Variants in ATR observed in about 807,000 individuals in gnomAD.
ATR encodes the protein serine/threonine-protein kinase ATR.
A neutral mutation model predicts 305.3 loss-of-function variants in ATR; 142 were observed. The observed-to-expected ratio is 0.47, with a 90% CI of 0.41 to 0.53. ATR has a LOEUF of 0.53. Ranked by LOEUF, ATR falls within the 20% of genes least tolerant of loss-of-function variation. The pLI, the probability that ATR is intolerant of heterozygous loss-of-function variation, is 0.00. For missense variants in ATR, 2,135 were observed against 3,133.1 expected (o/e 0.68, Z 7.60); for synonymous variants, 1,050 against 1,068.1 (o/e 0.98, Z 0.33).
chr3:142,553,084 C>A, intron 13 of ATR, 143 bp downstream of exon 13: 1 of 1,087,918 alleles, frequency 9.2e-7, no homozygotes, highest in South Asian at 1.5e-5. Flanking sequence ...CCTCTACATG[C>A]TGCAATATAC....
At chr3:142,540,293 T>A (rs914895220) in intron 18 of ATR, among the ~76,000 whole-genome samples, 1 of 152,144 alleles carries the variant, frequency 6.6e-6, no homozygotes, top group South Asian at 2.1e-4. Flanking sequence ...AATACACATA[T>A]GTAAACTTCA....
intron 46 of ATR, chr3:142,451,240 C>T: frequency 8.4e-7 from 1 of 1,195,430 alleles, no homozygotes; most frequent in Non-Finnish European, 1.1e-6. Context: ...TGCAGGTGTG[C>T]AAGCTCCAGC....
At chr3:142,493,332 A>G (rs2031403552) in intron 34 of ATR, 21 bp from the exon 35 acceptor site, 11 of 1,593,976 alleles carry the variant, frequency 6.9e-6, no homozygotes, top group Non-Finnish European at 9.4e-6. Flanking sequence ...AAAGGCAACA[A>G]TAAGCCTTTT....
In ATR at chr3:142,562,218, GA is replaced by G. The variant is rs1559997971; in HGVS notation, c.1170+13del. ...AAAATACATACTTAACTAGTAACCTGAAAAATTACTTACCTCTGCATCTACC... is the reference window on the plus strand; with the variant it reads ...AAAATACATACTTAACTAGTAACCTGAAAATTACTTACCTCTGCATCTACC... On this transcript the variant is annotated intron_variant, in intron 4 of 46. Transcript: ENST00000350721. 2.5e-6 allele frequency: 4 copies of G among 1,613,596 alleles called. No individual in the cohort carries two copies. The South Asian group carries it at 4.4e-5, about 18-fold the overall frequency.
intron 8 of ATR, among the ~76,000 whole-genome samples, chr3:142,557,773 C>T (rs1390181478): frequency 6.6e-6 from 1 of 152,172 alleles, no homozygotes; most frequent in Non-Finnish European, 1.5e-5. Context: ...GCTGGGACTA[C>T]AGGCGTGAGC....
chr3:142,451,854 C>A, intron 46 of ATR: 1 of 1,316,128 alleles, frequency 7.6e-7, no homozygotes, highest in South Asian at 1.2e-5. Flanking sequence ...CTGTTTAGAA[C>A]AGAAATGGAG....
At chr3:142,553,595 A>C in intron 12 of ATR, 45 bp downstream of exon 12, 1 of 1,535,998 alleles carries the variant, frequency 6.5e-7, no homozygotes, top group Non-Finnish European at 9.0e-7. Flanking sequence ...AAAATGGAGA[A>C]TGGCCAAAAT....
rs1184581782 is a variant in ATR at position 142,562,292 on chromosome 3, G to C, written c.1110C>G (p.Val370=). The change falls in exon 4 of 47, where the codon GTC becomes GTG. Residue 370 remains valine (V), a synonymous_variant. Coordinates refer to ENST00000350721, the MANE Select transcript of ATR (RefSeq NM_001184.4). ...GAGCTTTACAAATATTTCTCACATAGACCTTCCTGACTTGTAAAGCAGATT... is the reference window on the plus strand; with the variant it reads ...GAGCTTTACAAATATTTCTCACATACACCTTCCTGACTTGTAAAGCAGATT... The part of the protein sequence containing the change: ...GYESALQVRK[V]YVRNICKALL... 3 of 1,613,902 alleles carry C rather than the reference G, an allele frequency of 1.9e-6. No homozygotes were observed. The highest frequency in any genetic ancestry group is 1.1e-5 in the South Asian group (1 of 91,060).
At chr3:142,505,550 G>A (rs1159560942) in intron 28 of ATR, among the ~76,000 whole-genome samples, 1 of 152,014 alleles carries the variant, frequency 6.6e-6, no homozygotes, top group African/African-American at 2.4e-5. Flanking sequence ...TTGATCATAA[G>A]GTTTATAAAG....
intron 5 of ATR, 117 bp downstream of exon 5, chr3:142,561,126 C>T (rs2034863344): frequency 8.5e-7 from 1 of 1,182,378 alleles, no homozygotes; most frequent in African/African-American, 1.5e-5. Flanking sequence ...CCCTTGGCTA[C>T]ATTTAGAAAG....
chr3:142,578,132 A>G (rs988042913), intron 1 of ATR, among the ~76,000 whole-genome samples: 5 of 152,198 alleles, frequency 3.3e-5, no homozygotes, highest in African/African-American at 1.2e-4. Context: ...AAAGAAAAAA[A>G]CTGCCTTTTC....
chr3:142,450,222 C>T (rs2070759070), intron 46 of ATR: 4 of 592,730 alleles, frequency 6.7e-6, no homozygotes, highest in Non-Finnish European at 1.2e-5. Context: ...ACTTATGTTC[C>T]AGCAGAACTC....
At chr3:142,505,012 C>G (rs2032165592) in intron 29 of ATR, 127 bp downstream of exon 29, 3 of 1,201,252 alleles carry the variant, frequency 2.5e-6, no homozygotes, top group Non-Finnish European at 3.5e-6. Flanking sequence ...CCACTGCACT[C>G]CAGCCTGGCC....
At chr3:142,492,241 G>T (rs1430352348) in intron 35 of ATR, among the ~76,000 whole-genome samples, 1 of 151,996 alleles carries the variant, frequency 6.6e-6, no homozygotes, top group Non-Finnish European at 1.5e-5. Context: ...TCCATATTAT[G>T]CAATGAGGCC....
At chr3:142,564,980 T>C (rs921407613) in intron 3 of ATR, among the ~76,000 whole-genome samples, 24 of 152,138 alleles carry the variant, frequency 1.6e-4, no homozygotes, top group Non-Finnish European at 3.4e-4. Flanking sequence ...GATTTTGCCA[T>C]GTTGCCTAGG....
At chr3:142,564,302 CT>C (rs2034986873) in intron 3 of ATR, among the ~76,000 whole-genome samples, 1 of 152,148 alleles carries the variant, frequency 6.6e-6, no homozygotes, top group Non-Finnish European at 1.5e-5. Flanking sequence ...TGAGGTATGC[CT>C]GTAACAACTT....
chr3:142,554,526 C>A (rs1007137121), intron 10 of ATR, among the ~76,000 whole-genome samples: 1 of 152,114 alleles, frequency 6.6e-6, no homozygotes, highest in African/African-American at 2.4e-5. Context: ...CTGCACTCAG[C>A]CTATAAATAA....
intron 24 of ATR, 54 bp downstream of exon 24, chr3:142,519,614 AT>A: frequency 1.4e-6 from 2 of 1,472,344 alleles, no homozygotes; most frequent in South Asian, 2.4e-5. Context: ...AAATCGCATT[AT>A]TTTTATATAA....
chr3:142,506,396 TAAAAATAACA>T (rs1158839587), intron 28 of ATR, among the ~76,000 whole-genome samples: 1 of 152,036 alleles, frequency 6.6e-6, no homozygotes, highest in East Asian at 1.9e-4. Context: ...AATCCTTCCT[TAAAAATAACA>T]GAAGAAGCCA....
Sources: allele counts gnomAD v4.1 joint callset (sites outside exome capture counted in the v4.1 genomes callset), GRCh38; gene constraint gnomAD v4.1.1; transcripts MANE v1.5; gene names NCBI Gene and HGNC (gene_info 2026-07-23, HGNC 2026-07-21).